FXR2: variants seen among roughly 807,000 people sequenced by gnomAD.
FXR2 encodes RNA-binding protein FXR2.
Under a neutral mutation model 87.3 loss-of-function variants are expected in FXR2, and 9 were observed. The observed-to-expected ratio is 0.10, with a 90% CI of 0.06 to 0.18. FXR2 has a LOEUF of 0.18. FXR2 is among the 10% of genes least tolerant of loss of function. The pLI is 1.00. For missense variants in FXR2, 661 were observed against 893.6 expected (o/e 0.74, Z 3.32); for synonymous variants, 331 against 328.3 (o/e 1.01, Z -0.09).
chr17:7,592,231 T>A lies in FXR2; in HGVS notation c.1926+23A>T. 1 of 1,576,650 alleles carries A rather than the reference T, an allele frequency of 6.3e-7. No homozygotes were observed. The highest frequency in any genetic ancestry group is 8.7e-7 in the Non-Finnish European group (1 of 1,146,348). ...GAGTAACAACAAAAAAGGGATGGGG[T>A]AAAGCACATCTTGCCTGCCTACCTT... On this transcript the variant is annotated intron_variant, in intron 16 of 16. Coordinates refer to ENST00000250113, the MANE Select transcript of FXR2 (RefSeq NM_004860.4). This position sits in a 1 kb window ranked among gnomAD's most constrained non-coding sequence, Gnocchi z 4.8.
intron 1 of FXR2, among the ~76,000 whole-genome samples, chr17:7,610,732 G>A (rs1056045741): frequency 1.3e-5 from 2 of 152,162 alleles, no homozygotes; most frequent in Non-Finnish European, 2.9e-5. Context: ...CGCTCATTGT[G>A]AAAATAAGCA....
chr17:7,604,648 G>A (rs73242244), intron 3 of FXR2, among the ~76,000 whole-genome samples: 20,296 of 150,276 alleles, frequency 0.14, 2,567 homozygotes, highest in African/African-American at 0.3. Context: ...CTGAGACCGC[G>A]CCACTGCACT....
chr17:7,593,826 G>T lies in FXR2; in HGVS notation c.1107+92C>A. 1.1e-6 allele frequency: 1 copy of T among 921,782 alleles called. No individual in the cohort carries two copies. The highest frequency in any genetic ancestry group is 1.9e-5 in the Admixed American group (1 of 52,116). 57.1% of individuals were successfully genotyped at this position (921,782 alleles called of 1,614,324 possible). A position where few individuals can be genotyped will look rare whatever the true frequency, so the allele number is the denominator to read the frequency against. On this transcript the variant is annotated intron_variant, in intron 11 of 16. Coordinates refer to ENST00000250113, the MANE Select transcript of FXR2 (RefSeq NM_004860.4). The surrounding 1 kb of genome is among the most constrained non-coding windows in gnomAD (Gnocchi z 6.1). ...AGATGTTTTCTGTTCTACACGGAGA[G>T]ACAAACAGAGAACCAAAATCCCTGA...
At chr17:7,604,117 C>T in intron 3 of FXR2, 37 bp from the exon 4 acceptor site, 1 of 1,465,330 alleles carries the variant, frequency 6.8e-7, no homozygotes, top group Middle Eastern at 1.8e-4. Context: ...ATATTGAAGA[C>T]CACCCAAAAG....
Position 7,614,489 on chromosome 17 carries a change from G to A in FXR2, c.44C>T (p.Pro15Leu), listed in dbSNP as rs1312389503. 1 of 1,540,092 alleles carries A rather than the reference G, an allele frequency of 6.5e-7. No individual in the cohort carries two copies. The highest frequency in any genetic ancestry group is 1.4e-5 in the African/African-American group (1 of 72,034). The change falls in exon 1 of 17, where the codon CCC (proline) becomes CTC (leucine). Residue 15 changes from proline (P) to leucine (L), a missense_variant. This residue lies in a region of FXR2 where 170 missense variants were observed against 247.2 expected (regional missense o/e 0.69). Transcript: ENST00000250113. ...CCCGTTGGAGCCGCGCACCTCGACG[G>A]GCAGTCCCGGCTCCACATCCCCCCC... ...ASGGDVEPGL[P>L]VEVRGSNGAF... is the part of the protein sequence containing the mutation.
At chr17:7,606,637 A>T (rs958742542) in intron 1 of FXR2, among the ~76,000 whole-genome samples, 6 of 152,226 alleles carry the variant, frequency 3.9e-5, no homozygotes, top group Non-Finnish European at 8.8e-5. Flanking sequence ...GGGTCCTAAG[A>T]CAATAATCGG....
intron 1 of FXR2, 86 bp from the exon 2 acceptor site, chr17:7,606,235 A>C: frequency 1.2e-6 from 1 of 856,654 alleles, no homozygotes; most frequent in Non-Finnish European, 1.9e-6. Context: ...ACACCACAAA[A>C]CCTTAAACTT....
chr17:7,610,028 ATACATGTATG>A (rs1413485075), intron 1 of FXR2, among the ~76,000 whole-genome samples: 1 of 124,686 alleles, frequency 8.0e-6, no homozygotes, highest in Non-Finnish European at 1.7e-5. Context: ...ATGTATATGT[ATACATGTATG>A]TATATATATA....
At chr17:7,609,013 G>A (rs1351033159) in intron 1 of FXR2, among the ~76,000 whole-genome samples, 1 of 152,216 alleles carries the variant, frequency 6.6e-6, no homozygotes, top group African/African-American at 2.4e-5. Context: ...GGAGGCTAAG[G>A]TGGGAGGATC....
intron 1 of FXR2, among the ~76,000 whole-genome samples, chr17:7,607,872 C>T (rs544813051): frequency 5.9e-5 from 9 of 151,972 alleles, no homozygotes; most frequent in South Asian, 2.1e-4. Context: ...CTTGGCTCAC[C>T]GCAACCTCCG....
rs959420296 is a variant in FXR2 at position 7,592,414 on chromosome 17, C to G, written c.1826-60G>C. 6 of 1,533,266 alleles carry G rather than the reference C, an allele frequency of 3.9e-6. No homozygotes were observed. In the African/African-American group the frequency reaches 5.5e-5, roughly 14 times the overall value. The allele number at this position is 1,533,266 out of a possible 1,614,324, so 95.0% of individuals were successfully genotyped here. ...AATTCTGGTAGCCAGCCTAAGACACCCACTGAACCCGAACCCCTGATTTTC... is the reference window on the plus strand; with the variant it reads ...AATTCTGGTAGCCAGCCTAAGACACGCACTGAACCCGAACCCCTGATTTTC... On this transcript the variant is annotated intron_variant, in intron 15 of 16. Transcript: ENST00000250113. This position sits in a 1 kb window ranked among gnomAD's most constrained non-coding sequence, Gnocchi z 4.8.
Position 7,593,875 on chromosome 17 carries a change from T to C in FXR2, c.1107+43A>G, listed in dbSNP as rs1369225875. On this transcript the variant is annotated intron_variant, in intron 11 of 16. Transcript: ENST00000250113. This position sits in a 1 kb window ranked among gnomAD's most constrained non-coding sequence, Gnocchi z 6.1. ...GAGCTGACCCCCACAGCAGTCTTAG[T>C]TCCCTTTTCACACCCAGCATTTTTC... The C allele has an allele frequency of 3.2e-6, 4 of 1,247,972 alleles. No individual in the cohort carries two copies. The highest frequency in any genetic ancestry group is 4.7e-6 in the Non-Finnish European group (4 of 845,804). The allele number at this position is 1,247,972 out of a possible 1,614,324, so 77.3% of individuals were successfully genotyped here.
chr17:7,595,790 T>C lies in FXR2; in HGVS notation c.831+34A>G. On this transcript the variant is annotated intron_variant, in intron 8 of 16. Coordinates refer to ENST00000250113, the MANE Select transcript of FXR2 (RefSeq NM_004860.4). The surrounding 1 kb of genome is among the most constrained non-coding windows in gnomAD (Gnocchi z 4.7). ...TTCGGCCTCTCTTCCCTCTATCCCC[T>C]AAGAGACCCAGAAGAAAGACATCCT... The C allele has an allele frequency of 6.3e-7, 1 of 1,585,942 alleles. No homozygotes were observed. Among genetic ancestry groups the C allele is most frequent in the Non-Finnish European group, 8.7e-7 (1 of 1,155,638 alleles).
At position 7,594,123 on chromosome 17, in the gene FXR2, A is replaced by C; in HGVS notation, c.1020+115T>G. Reference sequence around the variant, plus strand: ...GATCATTCTGGGCTCTAAATCTACTAGTGTTAAACAACTTTCCGTACTCCA... The same window carrying C: ...GATCATTCTGGGCTCTAAATCTACTCGTGTTAAACAACTTTCCGTACTCCA... On this transcript the variant is annotated intron_variant, in intron 10 of 16. Coordinates refer to ENST00000250113, the MANE Select transcript of FXR2 (RefSeq NM_004860.4). The surrounding 1 kb of genome is among the most constrained non-coding windows in gnomAD (Gnocchi z 5.1). 1.1e-6 allele frequency: 1 copy of C among 880,638 alleles called. No homozygotes were observed. The highest frequency in any genetic ancestry group is 1.9e-6 in the Non-Finnish European group (1 of 527,420). The allele number at this position is 880,638 out of a possible 1,614,324, so 54.6% of individuals were successfully genotyped here.
Position 7,613,971 on chromosome 17 carries a change from C to T in FXR2, c.81+481G>A, listed in dbSNP as rs569585992. On this transcript the variant is annotated intron_variant, in intron 1 of 16. Coordinates refer to ENST00000250113, the MANE Select transcript of FXR2 (RefSeq NM_004860.4). ...ATAAGATGAAAGTGGGGTGAGTGTT[C>T]CAGAGCCAGTAGGCAGAGGCCTCTC... 642 of 450,434 alleles carry T rather than the reference C, an allele frequency of 1.4e-3. 1 individual carries two copies. Among genetic ancestry groups the T allele is most frequent in the Non-Finnish European group, 1.8e-3 (415 of 224,394 alleles). The allele number at this position is 450,434 out of a possible 1,614,324, so 27.9% of individuals were successfully genotyped here.
intron 1 of FXR2, 73 bp from the exon 2 acceptor site, chr17:7,606,222 A>G: frequency 1.1e-6 from 1 of 952,164 alleles, no homozygotes; most frequent in African/African-American, 1.6e-5. Context: ...TCAAGGGAAT[A>G]AGACACCACA....
At chr17:7,608,700 C>T (rs543877675) in intron 1 of FXR2, among the ~76,000 whole-genome samples, 8 of 151,706 alleles carry the variant, frequency 5.3e-5, no homozygotes, top group South Asian at 4.2e-4. Context: ...TCATTTCTAT[C>T]GAAAATCAGG....
In FXR2 at chr17:7,602,963, G is replaced by A. The variant is rs1469667377; in HGVS notation, c.489C>T (p.Ala163=). The change falls in exon 6 of 17, where the codon GCC becomes GCT. Residue 163 remains alanine, a synonymous_variant. Transcript: ENST00000250113. ...NENVHKEFKK[A]LGANCIFLNI... is the part of the protein sequence containing the mutation. The stretch of plus-strand genomic sequence containing the variant: ...TGAGAAAGATGCAGTTGGCTCCCAG[G>A]GCTTTCTTGAACTCTTTATGGACGT... 37 of 1,597,232 alleles carry A rather than the reference G, an allele frequency of 2.3e-5. No homozygotes were observed. Among genetic ancestry groups the A allele is most frequent in the Non-Finnish European group, 2.9e-5 (34 of 1,166,010 alleles).
chr17:7,606,218 G>T lies in FXR2; in HGVS notation c.82-69C>A. ...TTTACTTCCACCTTAGCCATCAAGG[G>T]AATAAGACACCACAAAACCTTAAAC... On this transcript the variant is annotated intron_variant, in intron 1 of 16. Transcript: ENST00000250113. 3.0e-6 allele frequency: 3 copies of T among 992,718 alleles called. No individual in the cohort carries two copies. In the South Asian group the frequency reaches 4.2e-5, roughly 14 times the overall value. 61.5% of individuals were successfully genotyped at this position (992,718 alleles called of 1,614,324 possible).
Sources: allele counts gnomAD v4.1 joint callset (sites outside exome capture counted in the v4.1 genomes callset), GRCh38; gene constraint gnomAD v4.1.1; regional missense constraint gnomAD v4.1.1; non-coding constraint Gnocchi (gnomAD v3.1); transcripts MANE v1.5; gene names NCBI Gene and HGNC (gene_info 2026-07-23, HGNC 2026-07-21).